Variants in BMP1 observed in about 807,000 individuals in gnomAD.
BMP1 encodes the protein bone morphogenetic protein 1.
In BMP1, 63 loss-of-function variants were observed where a neutral mutation model predicts 116.8. That is an observed-to-expected ratio of 0.54 (90% CI 0.44 to 0.67). BMP1 has a LOEUF of 0.67. Among genes scored for constraint, BMP1 ranks in the 30% least tolerant of loss-of-function variants. The pLI, the probability that BMP1 is intolerant of heterozygous loss-of-function variation, is 0.00. For missense variants in BMP1, 1,183 were observed against 1,358.9 expected, an observed-to-expected ratio of 0.87 and a Z score of 2.04; for synonymous variants, 536 against 533.4, an observed-to-expected ratio of 1.00 and a Z score of -0.07.
At chr8:22,176,511 C>T (rs1367473481) in intron 3 of BMP1, 22 bp from the exon 4 acceptor site, 1 of 1,612,836 alleles carries the variant, frequency 6.2e-7, no homozygotes, top group East Asian at 2.2e-5. Context: ...CCGTGGCAAC[C>T]TGGCTTCCTT....
At position 22,192,106 on chromosome 8, in the gene BMP1, T is replaced by C. The variant is rs1327716999; in HGVS notation, c.1135T>C (p.Tyr379His). ...LYRSRLCWYD[Y>H]VEVRDGFWRK... is the part of the protein sequence containing the mutation. ...CCGCAGCCGCCTGTGCTGGTACGAC[T>C]ATGTGGAGGTCCGAGATGGCTTCTG... Residue 379 changes from tyrosine (Y) to histidine (H), a missense_variant, in exon 9 of 20, where the codon TAT (tyrosine) becomes CAT (histidine). By Grantham distance (83) the Tyr-to-His change is moderately conservative. Transcript: ENST00000306385. The C allele has an allele frequency of 1.9e-6, 3 of 1,613,844 alleles. No homozygotes were observed. Among genetic ancestry groups the C allele is most frequent in the South Asian group, 1.1e-5 (1 of 91,084 alleles).
chr8:22,210,431 ATC>A (rs1340848591), intron 19 of BMP1, among the ~76,000 whole-genome samples: 2 of 90,740 alleles, frequency 2.2e-5, no homozygotes, highest in African/African-American at 4.8e-5. Flanking sequence ...CTTCCTACCC[ATC>A]TCTCTCTCTT....
intron 15 of BMP1, 82 bp downstream of exon 15, chr8:22,197,502 A>G: frequency 6.8e-7 from 1 of 1,471,908 alleles, no homozygotes; most frequent in Non-Finnish European, 9.3e-7. Flanking sequence ...GCACCCCTGT[A>G]CTCCCCAGCC....
In BMP1 at chr8:22,177,926, A is replaced by G; in HGVS notation, c.805A>G (p.Ile269Val). 6.2e-7 allele frequency: 1 copy of G among 1,613,400 alleles called. No individual in the cohort carries two copies. ...SLGETYDFDS[I>V]MHYARNTFSR... ...GGGGGAGACCTATGACTTCGACAGC[A>G]TCATGCATTACGCTCGGAACACATT... The change falls in exon 6 of 20, where the codon ATC becomes GTC. Residue 269 changes from isoleucine to valine, a missense_variant. Ile to Val is a conservative substitution (Grantham distance 29). Around this residue, in one of 4 missense-constraint regions of BMP1, gnomAD observed 956 missense variants for 1,135.2 expected, o/e 0.84. Coordinates refer to ENST00000306385, the MANE Select transcript of BMP1 (RefSeq NM_006129.5).
intron 8 of BMP1, among the ~76,000 whole-genome samples, chr8:22,188,105 ACT>A (rs1828827751): frequency 6.7e-6 from 1 of 148,912 alleles, no homozygotes; most frequent in Non-Finnish European, 1.5e-5. Flanking sequence ...GCACCAGAAG[ACT>A]CTGTACCCCA....
rs1016779304 is a variant in BMP1 at position 22,176,991 on chromosome 8, G to A, written c.582G>A (p.Gly194=). The A allele has an allele frequency of 1.9e-6, 3 of 1,612,278 alleles. No homozygotes were observed. Among genetic ancestry groups the A allele is most frequent in the Non-Finnish European group, 1.7e-6 (2 of 1,179,340 alleles). The change falls in exon 5 of 20, where the codon GGG becomes GGA. Residue 194 remains glycine (G), a synonymous_variant. Transcript: ENST00000306385. Reference sequence around the variant, plus strand: ...GCTCCTACGTGGGTCGCCGCGGCGGGGGCCCCCAGGCCATCTCCATCGGCA... The same window carrying A: ...GCTCCTACGTGGGTCGCCGCGGCGGAGGCCCCCAGGCCATCTCCATCGGCA... ...GCCSYVGRRG[G]GPQAISIGKN...
At chr8:22,166,684 C>G (rs1828123071) in intron 1 of BMP1, among the ~76,000 whole-genome samples, 1 of 152,210 alleles carries the variant, frequency 6.6e-6, no homozygotes, top group African/African-American at 2.4e-5. Flanking sequence ...AGTCCTGGCT[C>G]TGGAGACCCT....
intron 9 of BMP1, among the ~76,000 whole-genome samples, chr8:22,193,786 AAAAAT>A (rs1563263451): frequency 6.6e-6 from 1 of 152,252 alleles, no homozygotes; most frequent in African/African-American, 2.4e-5. Flanking sequence ...TCCATCTCAA[AAAAAT>A]AAAATAAGAT....
chr8:22,180,385 C>A lies in BMP1; in HGVS notation c.979C>A (p.Gln327Lys). The change falls in exon 8 of 20, where the codon CAA becomes AAA. Residue 327 changes from glutamine (Q) to lysine (K), a missense_variant. This residue lies in a region of BMP1 where 956 missense variants were observed against 1,135.2 expected (regional missense o/e 0.84). Transcript: ENST00000306385. Reference sequence around the variant, plus strand: ...CCTCACAGCCTGTGGAGAGACCCTGCAAGACAGCACAGGCAACTTCTCCTC... The same window carrying A: ...CCTCACAGCCTGTGGAGAGACCCTGAAAGACAGCACAGGCAACTTCTCCTC... ...YKCPACGETL[Q>K]DSTGNFSSPE... The A allele has an allele frequency of 6.2e-7, 1 of 1,613,816 alleles. No individual in the cohort carries two copies. The highest frequency in any genetic ancestry group is 8.5e-7 in the Non-Finnish European group (1 of 1,179,774).
At chr8:22,205,987 G>A (rs1214194256) in intron 16 of BMP1, among the ~76,000 whole-genome samples, 1 of 152,164 alleles carries the variant, frequency 6.6e-6, no homozygotes, top group Non-Finnish European at 1.5e-5. Context: ...GGTAGCAGGA[G>A]TGGGGGTGGG....
intron 8 of BMP1, among the ~76,000 whole-genome samples, chr8:22,181,802 G>A (rs1264558722): frequency 1.3e-5 from 2 of 152,096 alleles, no homozygotes; most frequent in African/African-American, 4.8e-5. Context: ...TGATCCTCCT[G>A]GCTCAGGCTT....
chr8:22,197,183 G>A, intron 14 of BMP1, 57 bp from the exon 15 acceptor site: 1 of 1,576,630 alleles, frequency 6.3e-7, no homozygotes. Flanking sequence ...CCGAGGGCAG[G>A]AGTAGTCAAG....
intron 1 of BMP1, among the ~76,000 whole-genome samples, chr8:22,168,733 T>C (rs1174061896): frequency 6.6e-6 from 1 of 152,130 alleles, no homozygotes; most frequent in South Asian, 2.1e-4. Context: ...TCTAGACAGC[T>C]GAGTCACCCC....
At chr8:22,192,187 T>G in intron 9 of BMP1, 36 bp downstream of exon 9, 1 of 1,564,360 alleles carries the variant, frequency 6.4e-7, no homozygotes, top group Non-Finnish European at 8.8e-7. Context: ...CCCTCCATGC[T>G]GATTCCCTCT....
At chr8:22,210,460 T>A (rs570859481) in intron 19 of BMP1, among the ~76,000 whole-genome samples, 48 of 113,308 alleles carry the variant, frequency 4.2e-4, no homozygotes, top group African/African-American at 2.7e-3. Flanking sequence ...TCTCTCTCTC[T>A]CTCTCTCTCA....
intron 15 of BMP1, chr8:22,199,297 C>T (rs1000223049): frequency 1.2e-5 from 17 of 1,366,018 alleles, no homozygotes; most frequent in Middle Eastern, 2.1e-4. Context: ...GGACACCCAC[C>T]GAGGAGACCC....
intron 19 of BMP1, among the ~76,000 whole-genome samples, chr8:22,210,684 T>C (rs1737338575): frequency 6.6e-6 from 1 of 152,180 alleles, no homozygotes; most frequent in Non-Finnish European, 1.5e-5. Context: ...CTCGTGTGGC[T>C]GGCAGGGGCT....
intron 13 of BMP1, among the ~76,000 whole-genome samples, chr8:22,196,010 A>G (rs934384977): frequency 1.3e-5 from 2 of 152,128 alleles, no homozygotes; most frequent in Non-Finnish European, 2.9e-5. Flanking sequence ...CACTCTTTTC[A>G]TAGCTCATGG....
At position 22,194,637 on chromosome 8, in the gene BMP1, C is replaced by A; in HGVS notation, c.1443+47C>A. The A allele has an allele frequency of 6.2e-7, 1 of 1,605,460 alleles. No individual in the cohort carries two copies. The highest frequency in any genetic ancestry group is 8.5e-7 in the Non-Finnish European group (1 of 1,174,182). On this transcript the variant is annotated intron_variant, in intron 11 of 19. Transcript: ENST00000306385. This position sits in a 1 kb window ranked among gnomAD's most constrained non-coding sequence, Gnocchi z 4.5. ...CTGACCTTTGAATCCAGCAGTTGCT[C>A]CCTGGGACAGCTGCCTCTCTTTGGG...
Sources: gnomAD v4.1 joint callset for allele counts (sites outside exome capture counted in the v4.1 genomes callset) on GRCh38, gnomAD v4.1.1 for gene constraint, gnomAD v4.1.1 regional missense constraint, Gnocchi (gnomAD v3.1) non-coding constraint, MANE v1.5 for transcripts, NCBI Gene and HGNC (gene_info 2026-07-23, HGNC 2026-07-21) for gene names.